RIIAD1: variants seen among roughly 807,000 people sequenced by gnomAD.
RIIAD1 encodes RIIa domain-containing protein 1.
A neutral mutation model predicts 13.3 loss-of-function variants in RIIAD1; 15 were observed. That is an observed-to-expected ratio of 1.13 (90% CI 0.76 to 1.74). RIIAD1 has a LOEUF of 1.74. Among genes scored for constraint, RIIAD1 ranks in the 40% most tolerant of loss-of-function variants. RIIAD1 has a pLI of 0.00. For missense variants in RIIAD1, 121 were observed against 112.2 expected (o/e 1.08, Z -0.35); for synonymous variants, 50 against 43.3 (o/e 1.16, Z -0.61).
chr1:151,714,497 G>A (rs1673294530), exon 4 of RIIAD1: 2 of 846,248 alleles, frequency 2.4e-6, no homozygotes, highest in Non-Finnish European at 4.0e-6. Flanking sequence ...GTGATGAGAG[G>A]AGGTGGAAAT....
chr1:151,727,390 G>A (rs1673850798), intron 2 of RIIAD1, among the ~76,000 whole-genome samples, 185 bp from the exon 3 acceptor site: 2 of 152,148 alleles, frequency 1.3e-5, no homozygotes, highest in South Asian at 4.1e-4. Flanking sequence ...TTCACTCCTT[G>A]CCTTAGATAC....
Position 151,723,591 on chromosome 1 carries a change from C to T in RIIAD1, c.161+1429C>T, listed in dbSNP as rs143034231. ...GGCACGTGCCTGTAATCCCAGCTAC[C>T]TGGGAGACTGAGGCAGGAGAATCGC... On this transcript the variant is annotated intron_variant, in intron 2 of 4. Coordinates refer to ENST00000479191, the MANE Select transcript of RIIAD1 (RefSeq NM_001144956.3). Among the ~76,000 whole-genome samples the T allele has an allele frequency of 3.5e-3, 525 of 148,632 alleles. 2 individuals are homozygous for T. Among genetic ancestry groups the T allele is most frequent in the African/African-American group, 0.013 (504 of 40,226 alleles).
intron 4 of RIIAD1, chr1:151,715,525 C>T: frequency 2.1e-6 from 2 of 935,154 alleles, no homozygotes; most frequent in Admixed American, 2.3e-5. Context: ...TGCACACGCA[C>T]ACACACACAC....
chr1:151,723,971 G>A (rs1246298751), intron 2 of RIIAD1, among the ~76,000 whole-genome samples: 3 of 152,238 alleles, frequency 2.0e-5, no homozygotes, highest in African/African-American at 7.2e-5. Context: ...TGCTCTCCAA[G>A]TTAGTAGTAG....
intron 3 of RIIAD1, 23 bp from the exon 4 acceptor site, chr1:151,728,743 C>A: frequency 1.4e-6 from 2 of 1,412,140 alleles, no homozygotes; most frequent in Non-Finnish European, 2.0e-6. Flanking sequence ...TAGATGATGT[C>A]TTCTTTTTGA....
intron 4 of RIIAD1, chr1:151,715,588 T>G (rs1413519849): frequency 7.1e-7 from 1 of 1,402,004 alleles, no homozygotes; most frequent in South Asian, 1.2e-5. Flanking sequence ...CCTCCATTCT[T>G]TCTTGAGTTC....
upstream of RIIAD1, among the ~76,000 whole-genome samples, chr1:151,721,332 C>T (rs1455502220): frequency 6.6e-6 from 1 of 152,190 alleles, no homozygotes; most frequent in Non-Finnish European, 1.5e-5. Flanking sequence ...ATTCCACATA[C>T]AATTAAGTCC....
intron 4 of RIIAD1, among the ~76,000 whole-genome samples, chr1:151,714,968 A>G (rs372627434): frequency 1.1e-4 from 16 of 152,050 alleles, no homozygotes; most frequent in African/African-American, 3.6e-4. Flanking sequence ...AAGTAAGAGT[A>G]GTGTGGCTTT....
intron 3 of RIIAD1, among the ~76,000 whole-genome samples, chr1:151,727,910 G>T (rs915155740): frequency 2.0e-5 from 3 of 152,152 alleles, no homozygotes; most frequent in Non-Finnish European, 1.5e-5. Flanking sequence ...CTTAAAGCAG[G>T]GTTCTCAACC....
At chr1:151,716,619 G>A (rs1410014369), upstream of RIIAD1, 1 of 358,520 alleles carries the variant, frequency 2.8e-6, no homozygotes. Flanking sequence ...TGGCGGCAGG[G>A]CTCCAGGGGT....
At chr1:151,723,032 G>A (rs1464099228) in intron 2 of RIIAD1, among the ~76,000 whole-genome samples, 3 of 152,264 alleles carry the variant, frequency 2.0e-5, no homozygotes, top group African/African-American at 7.2e-5. Flanking sequence ...TGTGCTGTAA[G>A]CAGTCGGTCC....
chr1:151,724,803 ATT>A (rs34697115), intron 2 of RIIAD1, among the ~76,000 whole-genome samples: 2 of 146,400 alleles, frequency 1.4e-5, no homozygotes, highest in Admixed American at 6.8e-5. Flanking sequence ...TGTAGAAAGT[ATT>A]TTTTTTTTTT....
Position 151,721,559 on chromosome 1 carries a change from T to A in RIIAD1, c.23T>A (p.Leu8Gln). 2 of 1,330,486 alleles carry A rather than the reference T, an allele frequency of 1.5e-6. No individual in the cohort carries two copies. Among genetic ancestry groups the A allele is most frequent in the African/African-American group, 3.1e-5 (2 of 65,078 alleles). The allele number at this position is 1,330,486 out of a possible 1,614,324, so 82.4% of individuals were successfully genotyped here. A position where few individuals can be genotyped will look rare whatever the true frequency, so the allele number is the denominator to read the frequency against. METLPGLLQRPDPGALSA... is the reference protein window; with the variant it reads METLPGLQQRPDPGALSA... ...AAGATGGAGACGCTGCCAGGCTTGC[T>A]GCAGCGGCCCGACCCCGGGGCGCTT... is the stretch of plus-strand genomic sequence containing the variant. The change falls in exon 1 of 5, where the codon CTG becomes CAG. Residue 8 changes from leucine to glutamine, a missense_variant. Coordinates refer to ENST00000479191, the MANE Select transcript of RIIAD1 (RefSeq NM_001144956.3).
intron 4 of RIIAD1, chr1:151,715,814 G>A: frequency 6.3e-7 from 1 of 1,594,868 alleles, no homozygotes; most frequent in Non-Finnish European, 8.6e-7. Flanking sequence ...CTCCAGCCTG[G>A]CTTAACTTCC....
At chr1:151,719,722 TA>T (rs781643669), upstream of RIIAD1, 4 of 677,640 alleles carry the variant, frequency 5.9e-6, no homozygotes, top group African/African-American at 5.4e-5. Context: ...TAATAGTGAG[TA>T]CTGAGACGCT....
chr1:151,729,409 A>C (rs1358266841), intron 4 of RIIAD1, 79 bp from the exon 5 acceptor site: 2 of 152,110 alleles, frequency 1.3e-5, no homozygotes, highest in East Asian at 3.9e-4. Flanking sequence ...AATGATATTG[A>C]AAGCTGGGAT....
chr1:151,719,238 T>C (rs1185348684), upstream of RIIAD1, among the ~76,000 whole-genome samples: 1 of 152,052 alleles, frequency 6.6e-6, no homozygotes, highest in Non-Finnish European at 1.5e-5. Flanking sequence ...ACATCTCTGG[T>C]GTTCTTTCAG....
chr1:151,725,196 C>A (rs1673806865), intron 2 of RIIAD1, among the ~76,000 whole-genome samples: 1 of 151,014 alleles, frequency 6.6e-6, no homozygotes, highest in African/African-American at 2.4e-5. Flanking sequence ...CTGCAGCCTC[C>A]ACCTCCTGAG....
At chr1:151,715,518 ACACG>A in intron 4 of RIIAD1, 2 of 845,390 alleles carry the variant, frequency 2.4e-6, no homozygotes, top group Non-Finnish European at 3.5e-6. Context: ...GTCTTGCTGC[ACACG>A]CACACACACA....
Sources: gnomAD v4.1 joint callset for allele counts (sites outside exome capture counted in the v4.1 genomes callset) on GRCh38, gnomAD v4.1.1 for gene constraint, MANE v1.5 for transcripts, NCBI Gene and HGNC (gene_info 2026-07-23, HGNC 2026-07-21) for gene names.